The following NWD2 variants were observed in gnomAD, a reference collection of about 807,000 sequenced individuals.
NWD2 encodes the protein NACHT and WD repeat domain containing 2, also known as NACHT and WD repeat domain-containing protein 2.
Under a neutral mutation model 132.7 loss-of-function variants are expected in NWD2, and 37 were observed. The ratio of observed to expected loss-of-function variants is 0.28; its 90% confidence interval spans 0.21 to 0.37. The LOEUF (loss-of-function observed/expected upper bound fraction) is 0.37, where lower values mean the gene tolerates loss of function less well. Among genes scored for constraint, NWD2 ranks in the 10% least tolerant of loss-of-function variants. The pLI, the probability that NWD2 is intolerant of heterozygous loss-of-function variation, is 1.00. For synonymous variants in NWD2, 705 were observed against 803.0 expected, an observed-to-expected ratio of 0.88 and a Z score of 2.06; for missense variants, 1,592 against 2,122.4, an observed-to-expected ratio of 0.75 and a Z score of 4.91.
At position 37,444,600 on chromosome 4, in the gene NWD2, A is replaced by T; in HGVS notation, c.2612A>T (p.Asp871Val). 1 of 1,552,040 alleles carries T rather than the reference A, an allele frequency of 6.4e-7. No homozygotes were observed. Among genetic ancestry groups the T allele is most frequent in the Non-Finnish European group, 8.7e-7 (1 of 1,147,072 alleles). The stretch of plus-strand genomic sequence containing the variant: ...ACCATGATCAAAATTGGCCAGTTTG[A>T]CAAAGTGCTTTCAGACATTGAGCTG... The part of the protein sequence containing the change: ...LYTMIKIGQF[D>V]KVLSDIELAY... Residue 871 changes from aspartate to valine, a missense_variant, in exon 7 of 7, where the codon GAC (aspartate) becomes GTC (valine). Physicochemically the swap from Asp to Val is radical, Grantham distance 152. This residue lies in a region of NWD2 where 1,071 missense variants were observed against 1,398.0 expected (regional missense o/e 0.77). Coordinates refer to ENST00000309447, the MANE Select transcript of NWD2 (RefSeq NM_001144990.2). This position sits in a 1 kb window ranked among gnomAD's most constrained non-coding sequence, Gnocchi z 4.8.
intron 3 of NWD2, among the ~76,000 whole-genome samples, 181 bp downstream of exon 3, chr4:37,356,663 A>G (rs1353998813): frequency 6.6e-6 from 1 of 152,228 alleles, no homozygotes; most frequent in African/African-American, 2.4e-5. Context: ...TCAACTTTCC[A>G]TAAGAAGTGC....
chr4:37,348,947 C>T (rs1350100589), intron 2 of NWD2, among the ~76,000 whole-genome samples: 1 of 151,498 alleles, frequency 6.6e-6, no homozygotes, highest in Non-Finnish European at 1.5e-5. Context: ...GTTTTCTGTT[C>T]CTGTGTAAGT....
intron 1 of NWD2, among the ~76,000 whole-genome samples, chr4:37,307,077 T>A (rs1396069915): frequency 6.6e-6 from 1 of 152,016 alleles, no homozygotes; most frequent in African/African-American, 2.4e-5. Context: ...ATGTATTCTG[T>A]AGCTTTAGGA....
intron 3 of NWD2, among the ~76,000 whole-genome samples, chr4:37,405,731 AAGGGACGC>A (rs1720990355): frequency 6.6e-6 from 1 of 152,226 alleles, no homozygotes; most frequent in Non-Finnish European, 1.5e-5. Context: ...AGTGAGGTCT[AAGGGACGC>A]ATTTTTATAA....
At chr4:37,402,379 G>C (rs960966254) in intron 3 of NWD2, among the ~76,000 whole-genome samples, 1 of 152,178 alleles carries the variant, frequency 6.6e-6, no homozygotes, top group Non-Finnish European at 1.5e-5. Flanking sequence ...ATCAGGAATA[G>C]CGTCTTTTTC....
At chr4:37,377,186 G>A (rs985049779) in intron 3 of NWD2, among the ~76,000 whole-genome samples, 5 of 152,028 alleles carry the variant, frequency 3.3e-5, no homozygotes, top group African/African-American at 7.2e-5. Context: ...GCAAGAGTAG[G>A]GACCACTCCA....
chr4:37,446,932 T>G lies in NWD2; in HGVS notation c.4944T>G (p.Arg1648=), dbSNP rs1712654029. 6.4e-7 allele frequency: 1 copy of G among 1,551,604 alleles called. No individual in the cohort carries two copies. The highest frequency in any genetic ancestry group is 1.2e-5 in the South Asian group (1 of 84,062). Residue 1648 remains arginine, a synonymous_variant, in exon 7 of 7, where the codon CGT becomes CGG. Transcript: ENST00000309447. This position sits in a 1 kb window ranked among gnomAD's most constrained non-coding sequence, Gnocchi z 6.7. ...TAGGGATCTACACGGTAGTAGACCG[T>G]GTAGATGCTGCACTGAAAATCAAAA... The part of the protein sequence containing the change: ...GSIGIYTVVD[R]VDAALKIKIA...
chr4:37,368,985 G>A lies in NWD2; in HGVS notation c.357+12503G>A, dbSNP rs549051945. On this transcript the variant is annotated intron_variant, in intron 3 of 6. Coordinates refer to ENST00000309447, the MANE Select transcript of NWD2 (RefSeq NM_001144990.2). ...AGCTAAGGGGGTGAAATAGAAAGGT[G>A]GGCATAGATTAGAGATACTTCAGAG... Among the ~76,000 whole-genome samples, 5 of 152,206 alleles carry A rather than the reference G, an allele frequency of 3.3e-5. No homozygotes were observed. In the East Asian group the frequency reaches 7.7e-4, roughly 24 times the overall value.
intron 1 of NWD2, among the ~76,000 whole-genome samples, chr4:37,299,753 G>A (rs946953203): frequency 1.3e-5 from 2 of 152,118 alleles, no homozygotes; most frequent in Admixed American, 1.3e-4. Flanking sequence ...AAGGACAGCT[G>A]CATTTTGGAC....
At chr4:37,394,104 T>C (rs895228535) in intron 3 of NWD2, among the ~76,000 whole-genome samples, 8 of 152,218 alleles carry the variant, frequency 5.3e-5, no homozygotes, top group African/African-American at 1.9e-4. Flanking sequence ...CACTGAGCAC[T>C]TAAGTAAATG....
At chr4:37,437,743 C>T (rs1444006840) in intron 5 of NWD2, among the ~76,000 whole-genome samples, 1 of 152,108 alleles carries the variant, frequency 6.6e-6, no homozygotes, top group Non-Finnish European at 1.5e-5. Context: ...GTTTTCATTA[C>T]TACTGACCCA....
intron 5 of NWD2, among the ~76,000 whole-genome samples, chr4:37,438,407 A>G (rs1333847805): frequency 1.3e-5 from 2 of 152,216 alleles, no homozygotes; most frequent in Admixed American, 1.3e-4. Context: ...TACATCCTTC[A>G]GCCTCCTCCT....
chr4:37,258,622 C>A (rs7441631), intron 1 of NWD2, among the ~76,000 whole-genome samples: 2 of 152,202 alleles, frequency 1.3e-5, no homozygotes, highest in Admixed American at 1.3e-4. Flanking sequence ...GGTCTAGAAA[C>A]TGAGGCAGTC....
At chr4:37,306,359 G>A (rs1187163910) in intron 1 of NWD2, among the ~76,000 whole-genome samples, 4 of 152,030 alleles carry the variant, frequency 2.6e-5, no homozygotes. Flanking sequence ...TTATTCTAAT[G>A]TGGGGTTTTG....
In NWD2 at chr4:37,356,445, A is replaced by G. The variant is rs1395213632; in HGVS notation, c.320A>G (p.Glu107Gly). ...CAGAAGACCCGCATGAAGCTGCTGG[A>G]GAATTGCTTGAAAACTTCTGCAGGT... Reference protein sequence around the residue: ...ELQKTRMKLLENCLKTSAGPC... With the variant: ...ELQKTRMKLLGNCLKTSAGPC... The change falls in exon 3 of 7, where the codon GAG becomes GGG. Residue 107 changes from glutamate (E) to glycine (G), a missense_variant. Physicochemically the swap from Glu to Gly is moderately conservative, Grantham distance 98. Coordinates refer to ENST00000309447, the MANE Select transcript of NWD2 (RefSeq NM_001144990.2). 1.3e-6 allele frequency: 2 copies of G among 1,551,472 alleles called. No homozygotes were observed. Among genetic ancestry groups the G allele is most frequent in the African/African-American group, 1.4e-5 (1 of 73,046 alleles).
chr4:37,338,649 G>A (rs567075236), intron 2 of NWD2, among the ~76,000 whole-genome samples: 2 of 152,132 alleles, frequency 1.3e-5, no homozygotes, highest in Non-Finnish European at 2.9e-5. Flanking sequence ...TAAATTTTGT[G>A]GGTCTTATAT....
At chr4:37,381,092 T>C (rs1720443933) in intron 3 of NWD2, among the ~76,000 whole-genome samples, 1 of 152,080 alleles carries the variant, frequency 6.6e-6, no homozygotes, top group Non-Finnish European at 1.5e-5. Flanking sequence ...CCACTGGTGA[T>C]CCTAACACGT....
At chr4:37,252,064 G>A (rs1027825864) in intron 1 of NWD2, among the ~76,000 whole-genome samples, 3 of 152,220 alleles carry the variant, frequency 2.0e-5, no homozygotes, top group African/African-American at 7.2e-5. Flanking sequence ...GAGGGGGTCA[G>A]AATGAGGGGT....
At chr4:37,411,933 A>C (rs2109319405) in intron 3 of NWD2, among the ~76,000 whole-genome samples, 1 of 152,258 alleles carries the variant, frequency 6.6e-6, no homozygotes, top group Non-Finnish European at 1.5e-5. Context: ...AAAATTCAAC[A>C]CCCATTCATG....
Sources: allele counts gnomAD v4.1 joint callset (sites outside exome capture counted in the v4.1 genomes callset), GRCh38; gene constraint gnomAD v4.1.1; regional missense constraint gnomAD v4.1.1; non-coding constraint Gnocchi (gnomAD v3.1); transcripts MANE v1.5; gene names NCBI Gene and HGNC (gene_info 2026-07-23, HGNC 2026-07-21).